ZNF615: variants seen among roughly 807,000 people sequenced by gnomAD.
ZNF615 encodes zinc finger protein 615.
A neutral mutation model predicts 15.3 loss-of-function variants in ZNF615; 15 were observed. The ratio of observed to expected loss-of-function variants is 0.98; its 90% CI spans 0.66 to 1.51. ZNF615 has a LOEUF of 1.51. Ranked by LOEUF, ZNF615 falls within the 40% of genes most tolerant of loss-of-function variation. The pLI is 0.00. For synonymous variants in ZNF615, 268 were observed against 294.6 expected, an observed-to-expected ratio of 0.91 and a Z score of 0.92; for missense variants, 848 against 895.9, an observed-to-expected ratio of 0.95 and a Z score of 0.68.
chr19:52,001,994 A>C, intron 4 of ZNF615, 86 bp from the exon 5 acceptor site: 1 of 1,593,886 alleles, frequency 6.3e-7, no homozygotes, highest in Non-Finnish European at 8.6e-7. Flanking sequence ...TAAGGACTAC[A>C]TAGGTATCAG....
chr19:51,993,527 A>C lies in ZNF615; in HGVS notation c.1582T>G (p.Cys528Gly). The change falls in exon 7 of 7, where the codon TGT (cysteine) becomes GGT (glycine). Residue 528 changes from cysteine to glycine, a missense_variant. Coordinates refer to ENST00000598071, the MANE Select transcript of ZNF615 (RefSeq NM_001199324.2). ...ATCTTTGCTGGAAAGCCTTTTCCAC[A>C]CTCACCACATACATAGGGTTTTTCT... ...TGEKPYVCGE[C>G]GKGFPAKIRL... 6.2e-7 allele frequency: 1 copy of C among 1,613,716 alleles called. No homozygotes were observed. Among genetic ancestry groups the C allele is most frequent in the African/African-American group, 1.3e-5 (1 of 74,844 alleles).
intron 6 of ZNF615, among the ~76,000 whole-genome samples, chr19:51,999,917 C>G (rs898606242): frequency 1.3e-5 from 2 of 152,044 alleles, no homozygotes; most frequent in Non-Finnish European, 2.9e-5. Context: ...GAAAGAGACC[C>G]TGGATTTAAA....
chr19:52,008,166 C>T lies in ZNF615; in HGVS notation c.-253G>A. 2.6e-6 allele frequency: 4 copies of T among 1,535,614 alleles called. No homozygotes were observed. The highest frequency in any genetic ancestry group is 2.6e-6 in the Non-Finnish European group (3 of 1,146,816). On this transcript the variant is annotated 5_prime_UTR_variant, in exon 1 of 7. Transcript: ENST00000598071. ...TTCCCAGAACTTGGTGGGCTCCGGC[C>T]TCATCTCTCGGCCTCCTCAGTGCCT... is the stretch of plus-strand genomic sequence containing the variant.
chr19:52,000,432 G>A, intron 5 of ZNF615, 54 bp from the exon 6 acceptor site: 1 of 593,646 alleles, frequency 1.7e-6, no homozygotes, highest in Non-Finnish European at 3.0e-6. Flanking sequence ...AATTATATAA[G>A]GATAGCCAAA....
At position 52,001,884 on chromosome 19, in the gene ZNF615, G is replaced by A. The variant is rs1456714703; in HGVS notation, c.167C>T (p.Ala56Val). 5.6e-6 allele frequency: 9 copies of A among 1,614,054 alleles called. No homozygotes were observed. The highest frequency in any genetic ancestry group is 7.6e-6 in the Non-Finnish European group (9 of 1,180,030). The stretch of plus-strand genomic sequence containing the variant: ...TTCTCCTCGTTCCAATTTGGAGAGT[G>A]CATCTGGTTTGCTGGCTTGATACCC... Reference protein sequence around the residue: ...AVGYQASKPDALSKLERGEET... With the variant: ...AVGYQASKPDVLSKLERGEET... The change falls in exon 5 of 7, where the codon GCA becomes GTA. Residue 56 changes from alanine (A) to valine (V), a missense_variant. Coordinates refer to ENST00000598071, the MANE Select transcript of ZNF615 (RefSeq NM_001199324.2).
At chr19:52,004,867 G>A (rs73052055) in intron 2 of ZNF615, 7,830 of 152,046 alleles carry the variant, frequency 0.051, 277 homozygotes, top group South Asian at 0.081. Flanking sequence ...GGAACAAAAC[G>A]GTAAGTAATT....
At chr19:52,006,570 G>T (rs2086758416) in intron 2 of ZNF615, among the ~76,000 whole-genome samples, 1 of 152,154 alleles carries the variant, frequency 6.6e-6, no homozygotes, top group Non-Finnish European at 1.5e-5. Context: ...GCTATTAGTA[G>T]AATTCTAGTT....
intron 2 of ZNF615, among the ~76,000 whole-genome samples, chr19:52,005,087 C>G (rs374938558): frequency 6.6e-6 from 1 of 152,036 alleles, no homozygotes; most frequent in African/African-American, 2.4e-5. Flanking sequence ...GGTGAAACCC[C>G]GTCTCTACTA....
intron 2 of ZNF615, among the ~76,000 whole-genome samples, chr19:52,005,743 C>T (rs528794898): frequency 5.3e-4 from 81 of 152,296 alleles, no homozygotes; most frequent in Non-Finnish European, 9.6e-4. Flanking sequence ...CATGACATTT[C>T]ATCTCAGGCT....
At chr19:52,001,616 CAA>C (rs200193378) in intron 5 of ZNF615, among the ~76,000 whole-genome samples, 195 bp downstream of exon 5, 49,334 of 105,030 alleles carry the variant, frequency 0.47, 10,774 homozygotes, top group African/African-American at 0.64. Context: ...GACTCCATCT[CAA>C]AAAAAAAAAA....
At position 51,993,558 on chromosome 19, in the gene ZNF615, A is replaced by C. The variant is rs368537377; in HGVS notation, c.1551T>G (p.His517Gln). 4.3e-5 allele frequency: 70 copies of C among 1,613,892 alleles called. No individual in the cohort carries two copies. The highest frequency in any genetic ancestry group is 5.8e-5 in the Non-Finnish European group (68 of 1,180,022). ...CACATACATAGGGTTTTTCTCCAGTATGAGTTCGCTGATGCACAATAAGGC... is the reference window on the plus strand; with the variant it reads ...CACATACATAGGGTTTTTCTCCAGTCTGAGTTCGCTGATGCACAATAAGGC... ...KSRLIVHQRTHTGEKPYVCGE... is the reference protein window; with the variant it reads ...KSRLIVHQRTQTGEKPYVCGE... Residue 517 changes from histidine to glutamine, a missense_variant, in exon 7 of 7, where the codon CAT becomes CAG. Coordinates refer to ENST00000598071, the MANE Select transcript of ZNF615 (RefSeq NM_001199324.2).
Position 52,000,367 on chromosome 19 carries a change from C to T in ZNF615, c.250G>A (p.Ala84Thr). 3 of 628,844 alleles carry T rather than the reference C, an allele frequency of 4.8e-6. No individual in the cohort carries two copies. The highest frequency in any genetic ancestry group is 3.8e-5 in the South Asian group (2 of 52,756). The allele number at this position is 628,844 out of a possible 1,614,324, so 39.0% of individuals were successfully genotyped here. ...YSRICSDSGGASGGAYAEIRK... is the reference protein window; with the variant it reads ...YSRICSDSGGTSGGAYAEIRK... Reference sequence around the variant, plus strand: ...AAACCTGCATATGCACCTCCTGATGCACCTCCTGAATCTAAAATAAAAACA... The same window carrying T: ...AAACCTGCATATGCACCTCCTGATGTACCTCCTGAATCTAAAATAAAAACA... The change falls in exon 6 of 7, where the codon GCA (alanine) becomes ACA (threonine). Residue 84 changes from alanine to threonine, a missense_variant. Transcript: ENST00000598071.
At chr19:51,994,949 T>A in intron 6 of ZNF615, 112 bp from the exon 7 acceptor site, 1 of 998,456 alleles carries the variant, frequency 1.0e-6, no homozygotes, top group Admixed American at 3.4e-5. Flanking sequence ...GAAAACCCTA[T>A]TTTATTTATT....
intron 2 of ZNF615, 127 bp downstream of exon 2, chr19:52,007,166 C>A: frequency 8.0e-6 from 4 of 501,154 alleles, no homozygotes; most frequent in Admixed American, 3.7e-5. Flanking sequence ...TAATATAAAG[C>A]GAAAAAGATA....
At chr19:51,997,337 G>A (rs1239551403) in intron 6 of ZNF615, among the ~76,000 whole-genome samples, 2 of 152,114 alleles carry the variant, frequency 1.3e-5, no homozygotes, top group Non-Finnish European at 2.9e-5. Flanking sequence ...ACAGAAGAAT[G>A]TGAGATCCTC....
Position 52,003,794 on chromosome 19 carries a change from A to C in ZNF615, c.-83T>G. ...GAATCAGCTCTAAATTTCGGTTCAA[A>C]AACTTCAATCTCCAATCAAGGATGT... On this transcript the variant is annotated 5_prime_UTR_variant, in exon 3 of 7. Transcript: ENST00000598071. The C allele has an allele frequency of 6.3e-7, 1 of 1,587,058 alleles. No homozygotes were observed. Among genetic ancestry groups the C allele is most frequent in the Non-Finnish European group, 8.6e-7 (1 of 1,169,044 alleles).
At position 51,992,797 on chromosome 19, in the gene ZNF615, C is replaced by A; in HGVS notation, c.*83G>T. On this transcript the variant is annotated 3_prime_UTR_variant, in exon 7 of 7. Coordinates refer to ENST00000598071, the MANE Select transcript of ZNF615 (RefSeq NM_001199324.2). ...AAGTAACTGATCACTAAATAAACAA[C>A]CATGTAGTCTGCATTCATGAAATTA... is the stretch of plus-strand genomic sequence containing the variant. 1 of 1,448,504 alleles carries A rather than the reference C, an allele frequency of 6.9e-7. No homozygotes were observed. The highest frequency in any genetic ancestry group is 9.4e-7 in the Non-Finnish European group (1 of 1,062,972). 89.7% of individuals were successfully genotyped at this position (1,448,504 alleles called of 1,614,324 possible).
rs200133761 is a variant in ZNF615 at position 52,002,444 on chromosome 19, T to C, written c.16-163A>G. The C allele has an allele frequency of 1.9e-3, 1,894 of 989,272 alleles. 5 individuals carry two copies. The highest frequency in any genetic ancestry group is 2.6e-3 in the Non-Finnish European group (1,684 of 638,286). 61.3% of individuals were successfully genotyped at this position (989,272 alleles called of 1,614,324 possible). On this transcript the variant is annotated intron_variant, in intron 3 of 6. Transcript: ENST00000598071. Reference sequence around the variant, plus strand: ...GAATTCCAGTAAAATATTCTGTAACTGTGCGGTCATCCATTCATTCAACAA... The same window carrying C: ...GAATTCCAGTAAAATATTCTGTAACCGTGCGGTCATCCATTCATTCAACAA...
At chr19:52,004,597 T>G (rs2086695843) in intron 2 of ZNF615, 1 of 152,126 alleles carries the variant, frequency 6.6e-6, no homozygotes, top group Non-Finnish European at 1.5e-5. Flanking sequence ...TTCACCATGT[T>G]GGCCAGGCTG....
Sources: allele counts gnomAD v4.1 joint callset (sites outside exome capture counted in the v4.1 genomes callset), GRCh38; gene constraint gnomAD v4.1.1; transcripts MANE v1.5; gene names NCBI Gene and HGNC (gene_info 2026-07-23, HGNC 2026-07-21).